PBX3: variants seen among roughly 807,000 people sequenced by gnomAD.
PBX3 encodes the protein pre-B-cell leukemia transcription factor 3.
Under a neutral mutation model 48.5 loss-of-function variants are expected in PBX3, and 14 were observed. The ratio of observed to expected loss-of-function variants is 0.29; its 90% CI spans 0.19 to 0.45. The LOEUF (loss-of-function observed/expected upper bound fraction) is 0.45. PBX3 is among the 20% of genes least tolerant of loss of function. The pLI is 1.00. For synonymous variants in PBX3, 210 were observed against 200.3 expected, an observed-to-expected ratio of 1.05 and a Z score of -0.41; for missense variants, 386 against 546.7, an observed-to-expected ratio of 0.71 and a Z score of 2.93.
chr9:125,917,038 C>A (rs1841349800), intron 3 of PBX3, among the ~76,000 whole-genome samples: 1 of 152,102 alleles, frequency 6.6e-6, no homozygotes, highest in Non-Finnish European at 1.5e-5. Context: ...CATTTTGCCA[C>A]TCTTATTTTG....
At chr9:125,924,566 TG>T (rs1187135240) in intron 3 of PBX3, among the ~76,000 whole-genome samples, 6 of 152,240 alleles carry the variant, frequency 3.9e-5, no homozygotes, top group Non-Finnish European at 8.8e-5. Flanking sequence ...ATCACTGGTC[TG>T]GTTTTCACTT....
intron 1 of PBX3, 100 bp from the exon 2 acceptor site, chr9:125,748,450 T>C (rs1470480082): frequency 2.3e-5 from 36 of 1,532,444 alleles, no homozygotes; most frequent in Non-Finnish European, 3.2e-5. Context: ...CCTTCCAGAA[T>C]GGGGGGCTGG....
chr9:125,780,673 G>A (rs1223211295), intron 2 of PBX3, among the ~76,000 whole-genome samples: 1 of 141,866 alleles, frequency 7.0e-6, no homozygotes, highest in East Asian at 2.3e-4. Flanking sequence ...CGGATGGGGC[G>A]GCTGGCCGGG....
chr9:125,962,177 A>G lies in PBX3; in HGVS notation c.1085A>G (p.Tyr362Cys). Residue 362 changes from tyrosine (Y) to cysteine (C), a missense_variant, in exon 7 of 9, where the codon TAC (tyrosine) becomes TGC (cysteine). Transcript: ENST00000373489. Reference sequence around the variant, plus strand: ...ATGCAGAGTCTGAATGGGGATTCTTACCAAGGGTCCCAAGTCGGAGCCAAT... The same window carrying G: ...ATGCAGAGTCTGAATGGGGATTCTTGCCAAGGGTCCCAAGTCGGAGCCAAT... Reference protein sequence around the residue: ...MNMQSLNGDSYQGSQVGANVQ... With the variant: ...MNMQSLNGDSCQGSQVGANVQ... 6.2e-7 allele frequency: 1 copy of G among 1,612,440 alleles called. No individual in the cohort carries two copies. The highest frequency in any genetic ancestry group is 8.5e-7 in the Non-Finnish European group (1 of 1,178,486).
intron 2 of PBX3, among the ~76,000 whole-genome samples, chr9:125,880,980 T>C (rs1359894808): frequency 6.6e-6 from 1 of 152,264 alleles, no homozygotes. Context: ...TTTACTGCTA[T>C]AGAGCAATGT....
intron 2 of PBX3, among the ~76,000 whole-genome samples, chr9:125,787,777 G>A (rs1415228812): frequency 6.6e-6 from 1 of 152,182 alleles, no homozygotes; most frequent in Non-Finnish European, 1.5e-5. Context: ...TGCAAGAAAG[G>A]GAAGGTGACT....
rs180880255 is a variant in PBX3 at position 125,888,512 on chromosome 9, C to T, written c.275-27174C>T. Among the ~76,000 whole-genome samples, 32 of 151,632 alleles carry T rather than the reference C, an allele frequency of 2.1e-4. No homozygotes were observed. The East Asian group carries it at 6.2e-3, about 29-fold the overall frequency. On this transcript the variant is annotated intron_variant, in intron 2 of 8. Transcript: ENST00000373489. ...ATACATGCTTTACCAGAAACAGATG[C>T]TCTCACTTGATGGCATTTTTTTGGG...
chr9:125,854,616 A>G (rs1839672532), intron 2 of PBX3, among the ~76,000 whole-genome samples: 1 of 152,152 alleles, frequency 6.6e-6, no homozygotes, highest in African/African-American at 2.4e-5. Context: ...AATGTGTTTC[A>G]TTCATCTTAC....
chr9:125,813,190 A>ATTTTTTCT (rs145383095), intron 2 of PBX3, among the ~76,000 whole-genome samples: 8,969 of 151,946 alleles, frequency 0.059, 604 homozygotes, highest in East Asian at 0.17. Flanking sequence ...TTACAGAAAT[A>ATTTTTTCT]TTTTTTCTTT....
chr9:125,961,128 C>G (rs1340610475), intron 6 of PBX3, among the ~76,000 whole-genome samples: 1 of 152,210 alleles, frequency 6.6e-6, no homozygotes, highest in African/African-American at 2.4e-5. Context: ...TGCTATCGCT[C>G]ATGACTATTT....
chr9:125,943,329 TG>T (rs1564184716), intron 5 of PBX3, among the ~76,000 whole-genome samples: 1 of 109,628 alleles, frequency 9.1e-6, no homozygotes, highest in South Asian at 3.3e-4. Flanking sequence ...CACTCCAGCT[TG>T]GGCTGCAGAG....
chr9:125,825,763 C>G (rs1838790583), intron 2 of PBX3, among the ~76,000 whole-genome samples: 2 of 152,202 alleles, frequency 1.3e-5, no homozygotes, highest in African/African-American at 4.8e-5. Context: ...CTCATTTCAT[C>G]AGTAAGCATC....
At chr9:125,841,027 A>ACC (rs1275687216) in intron 2 of PBX3, among the ~76,000 whole-genome samples, 6 of 152,192 alleles carry the variant, frequency 3.9e-5, no homozygotes, top group African/African-American at 1.4e-4. Flanking sequence ...GAAATTCTTA[A>ACC]ATTATTATGT....
chr9:125,879,077 CTTTT>C (rs36094728), intron 2 of PBX3, among the ~76,000 whole-genome samples: 2 of 124,626 alleles, frequency 1.6e-5, no homozygotes, highest in African/African-American at 3.0e-5. Flanking sequence ...ACATGCTATT[CTTTT>C]TTTTTTTTTT....
chr9:125,899,304 CAT>C lies in PBX3; in HGVS notation c.275-16377_275-16376del, dbSNP rs1172652405. Among the ~76,000 whole-genome samples the C allele has an allele frequency of 2.5e-3, 175 of 70,054 alleles. 9 individuals are homozygous for C. The highest frequency in any genetic ancestry group is 5.6e-3 in the African/African-American group (91 of 16,330). The allele number at this position is 70,054 out of a possible 152,430, so 46.0% of individuals were successfully genotyped here. The stretch of plus-strand genomic sequence containing the variant: ...GTATATATATTTATATATAAATATA[CAT>C]ATATGTATATATTTTTATATAAATA... On this transcript the variant is annotated intron_variant, in intron 2 of 8. Coordinates refer to ENST00000373489, the MANE Select transcript of PBX3 (RefSeq NM_006195.6).
chr9:125,911,532 A>G (rs1841203130), intron 2 of PBX3, among the ~76,000 whole-genome samples: 1 of 152,172 alleles, frequency 6.6e-6, no homozygotes, highest in Non-Finnish European at 1.5e-5. Context: ...ATTAATATTA[A>G]AATTGTCGCT....
At chr9:125,869,098 G>C (rs1163742304) in intron 2 of PBX3, among the ~76,000 whole-genome samples, 1 of 152,126 alleles carries the variant, frequency 6.6e-6, no homozygotes, top group Admixed American at 6.6e-5. Flanking sequence ...AAAAATTCAA[G>C]ATTGAAAGTA....
At chr9:125,781,519 GGAGAGGGTGACC>G (rs1467671700) in intron 2 of PBX3, among the ~76,000 whole-genome samples, 8 of 148,090 alleles carry the variant, frequency 5.4e-5, no homozygotes, top group African/African-American at 2.0e-4. Context: ...GGAAAGAGAG[GGAGAGGGTGACC>G]GAGAGGGAGA....
intron 5 of PBX3, among the ~76,000 whole-genome samples, chr9:125,943,156 C>T (rs1020322753): frequency 4.6e-5 from 7 of 151,730 alleles, no homozygotes; most frequent in South Asian, 4.2e-4. Context: ...CGCCTGAGCT[C>T]AGGAGTTCAA....
Sources: gnomAD v4.1 joint callset for allele counts (sites outside exome capture counted in the v4.1 genomes callset) on GRCh38, gnomAD v4.1.1 for gene constraint, MANE v1.5 for transcripts, NCBI Gene and HGNC (gene_info 2026-07-23, HGNC 2026-07-21) for gene names.